KAT6A: variants seen among roughly 807,000 people sequenced by gnomAD.
KAT6A encodes the protein histone acetyltransferase KAT6A.
In KAT6A, 9 loss-of-function variants were observed where a neutral mutation model predicts 198.4. That is an observed-to-expected ratio of 0.05 (90% CI 0.03 to 0.08). KAT6A has a LOEUF of 0.08. KAT6A is among the 10% of genes least tolerant of loss of function. The pLI is 1.00. For synonymous variants in KAT6A, 890 were observed against 883.0 expected (o/e 1.01, Z -0.14); for missense variants, 2,077 against 2,509.9 (o/e 0.83, Z 3.69).
rs566407140 is a variant in KAT6A at position 41,964,556 on chromosome 8, G to A, written c.1483-9145C>T. ...CTAATGATACTCAAACGAAATGCTC[G>A]TAAGAACACTGCAGATTTTGAATTC... On this transcript the variant is annotated intron_variant, in intron 8 of 16. Transcript: ENST00000265713. 3.1e-4 allele frequency among the ~76,000 whole-genome samples: 46 copies of A among 148,574 alleles called. 1 individual carries two copies. In the South Asian group the frequency reaches 7.5e-3, roughly 24 times the overall value.
At chr8:41,955,003 G>A (rs985021907) in intron 9 of KAT6A, among the ~76,000 whole-genome samples, 10 of 150,968 alleles carry the variant, frequency 6.6e-5, no homozygotes, top group African/African-American at 2.4e-4. Flanking sequence ...TTAGTGATAG[G>A]AGTGAAGACA....
intron 12 of KAT6A, among the ~76,000 whole-genome samples, chr8:41,946,346 T>C (rs1822385449): frequency 6.6e-6 from 1 of 152,038 alleles, no homozygotes; most frequent in Non-Finnish European, 1.5e-5. Context: ...CAAGCAATCC[T>C]CCCACCCCAG....
chr8:41,991,301 T>TA (rs1824936046), intron 2 of KAT6A, among the ~76,000 whole-genome samples: 1 of 152,176 alleles, frequency 6.6e-6, no homozygotes, highest in Admixed American at 6.5e-5. Context: ...AGTAGAATGT[T>TA]AAACAGTAAT....
intron 2 of KAT6A, among the ~76,000 whole-genome samples, chr8:42,003,879 G>A (rs536847883): frequency 6.6e-6 from 1 of 152,306 alleles, no homozygotes; most frequent in South Asian, 2.1e-4. Flanking sequence ...GCAAAAAGGT[G>A]ACCATCTGCA....
intron 2 of KAT6A, among the ~76,000 whole-genome samples, chr8:42,016,103 A>C (rs1826259599): frequency 6.6e-6 from 1 of 152,228 alleles, no homozygotes; most frequent in Non-Finnish European, 1.5e-5. Context: ...GCAAGAGATG[A>C]GGGAAGGGAG....
intron 2 of KAT6A, among the ~76,000 whole-genome samples, chr8:41,997,174 T>C (rs529230698): frequency 1.3e-5 from 2 of 152,304 alleles, no homozygotes; most frequent in South Asian, 2.1e-4. Flanking sequence ...GTTAAAATGG[T>C]AAATTTTTAT....
Position 41,941,209 on chromosome 8 carries a change from G to A in KAT6A, c.2672C>T (p.Thr891Met), listed in dbSNP as rs575371774. The A allele has an allele frequency of 1.6e-4, 265 of 1,614,074 alleles. 2 individuals are homozygous for A. In the South Asian group the frequency reaches 2.0e-3, roughly 12 times the overall value. The change falls in exon 15 of 17, where the codon ACG becomes ATG. Residue 891 changes from threonine (T) to methionine (M), a missense_variant. Around this residue, in one of 13 missense-constraint regions of KAT6A, gnomAD observed 301 missense variants for 272.2 expected, o/e 1.11. Coordinates refer to ENST00000265713, the MANE Select transcript of KAT6A (RefSeq NM_006766.5). ...ATATTGTTCCTGAGGAGCTGAAGAC[G>A]TCTCTTCCAAGAGCAGTTTAGAATC... is the stretch of plus-strand genomic sequence containing the variant. ...DKDSKLLLEE[T>M]SSAPQEQYGE...
At chr8:41,960,526 A>AAT (rs35872862) in intron 8 of KAT6A, among the ~76,000 whole-genome samples, 1 of 150,972 alleles carries the variant, frequency 6.6e-6, no homozygotes, top group Non-Finnish European at 1.5e-5. Flanking sequence ...AAAAAAAAAA[A>AAT]GTCTGGTTAA....
chr8:42,007,307 T>C (rs1190200303), intron 2 of KAT6A, among the ~76,000 whole-genome samples: 6 of 152,186 alleles, frequency 3.9e-5, no homozygotes, highest in Non-Finnish European at 1.5e-5. Flanking sequence ...ATCCTAATTC[T>C]CCAAATATGG....
chr8:41,989,928 T>C (rs1307084061), intron 2 of KAT6A, among the ~76,000 whole-genome samples: 1 of 152,228 alleles, frequency 6.6e-6, no homozygotes, highest in East Asian at 1.9e-4. Context: ...GAACGGCTAG[T>C]TGTCTTAATA....
In KAT6A at chr8:41,931,554, G is replaced by A. The variant is rs1212488569; in HGVS notation, c.*651C>T. 1 of 205,498 alleles carries A rather than the reference G, an allele frequency of 4.9e-6. No individual in the cohort carries two copies. Among genetic ancestry groups the A allele is most frequent in the Admixed American group, 6.0e-5 (1 of 16,746 alleles). The allele number at this position is 205,498 out of a possible 1,614,324, so 12.7% of individuals were successfully genotyped here. On this transcript the variant is annotated 3_prime_UTR_variant, in exon 17 of 17. Transcript: ENST00000265713. ...TCTATAAAGAAACATTCTTGGGGAA[G>A]GGTTTCAAGAGGTGTGTGTGTGTGA...
chr8:41,933,799 C>G lies in KAT6A; in HGVS notation c.4421G>C (p.Cys1474Ser). ...AGGGCTATTATGTTCTGACGCATGA[C>G]AGTCTTCAACCATGGACATCTGAGG... The part of the protein sequence containing the change: ...EDPQMSMVED[C>S]HASEHNSPIS... The change falls in exon 17 of 17, where the codon TGT becomes TCT. Residue 1474 changes from cysteine to serine, a missense_variant. Cys to Ser is a moderately radical substitution (Grantham distance 112). Transcript: ENST00000265713. The surrounding 1 kb of genome is among the most constrained non-coding windows in gnomAD (Gnocchi z 6.2). 6.2e-7 allele frequency: 1 copy of G among 1,614,136 alleles called. No homozygotes were observed. The highest frequency in any genetic ancestry group is 8.5e-7 in the Non-Finnish European group (1 of 1,180,032).
At position 41,937,453 on chromosome 8, in the gene KAT6A, G is replaced by C; in HGVS notation, c.3155C>G (p.Ser1052Cys). 6.2e-7 allele frequency: 1 copy of C among 1,614,144 alleles called. No individual in the cohort carries two copies. Among genetic ancestry groups the C allele is most frequent in the Non-Finnish European group, 8.5e-7 (1 of 1,180,008 alleles). ...TCTTGGCATTGGCCTCTCGGAGTCAGAATCTTCAAAAGGTTCATCTAACAC... is the reference window on the plus strand; with the variant it reads ...TCTTGGCATTGGCCTCTCGGAGTCACAATCTTCAAAAGGTTCATCTAACAC... Reference protein sequence around the residue: ...TEVLDEPFEDSDSERPMPRLE... With the variant: ...TEVLDEPFEDCDSERPMPRLE... The change falls in exon 16 of 17, where the codon TCT becomes TGT. Residue 1052 changes from serine (S) to cysteine (C), a missense_variant. Coordinates refer to ENST00000265713, the MANE Select transcript of KAT6A (RefSeq NM_006766.5).
Position 42,050,368 on chromosome 8 carries a change from A to G in KAT6A, c.-325-1066T>C, listed in dbSNP as rs528719673. The stretch of plus-strand genomic sequence containing the variant: ...GAATCTAACTCTTTTGCCTCCAAAA[A>G]TAAGTTTAACTGAAGTGTTTTTTAG... On this transcript the variant is annotated intron_variant, in intron 1 of 16. Coordinates refer to ENST00000265713, the MANE Select transcript of KAT6A (RefSeq NM_006766.5). Among the ~76,000 whole-genome samples, 9 of 152,370 alleles carry G rather than the reference A, an allele frequency of 5.9e-5. No individual in the cohort carries two copies. The East Asian group carries it at 1.5e-3, about 26-fold the overall frequency.
intron 9 of KAT6A, among the ~76,000 whole-genome samples, 168 bp from the exon 10 acceptor site, chr8:41,949,531 ATAAAT>A (rs1452981806): frequency 6.6e-6 from 1 of 152,234 alleles, no homozygotes. Flanking sequence ...TATAATTCAA[ATAAAT>A]TACTGTATCT....
At chr8:41,991,546 T>C (rs1366026257) in intron 2 of KAT6A, among the ~76,000 whole-genome samples, 1 of 152,218 alleles carries the variant, frequency 6.6e-6, no homozygotes, top group Non-Finnish European at 1.5e-5. Flanking sequence ...GTTTCATGGA[T>C]GTTAATTATG....
chr8:42,039,835 G>A (rs545182155), intron 2 of KAT6A, among the ~76,000 whole-genome samples: 102 of 151,650 alleles, frequency 6.7e-4, no homozygotes, highest in African/African-American at 2.4e-3. Context: ...CCGGGTTCAC[G>A]CCATTCTCCT....
intron 2 of KAT6A, among the ~76,000 whole-genome samples, chr8:42,023,109 TG>T (rs1826630754): frequency 6.6e-6 from 1 of 152,174 alleles, no homozygotes; most frequent in South Asian, 2.1e-4. Context: ...TGTAACACAA[TG>T]GTAAGATTTT....
Position 41,929,918 on chromosome 8 carries a change from G to A in KAT6A, c.*2287C>T, listed in dbSNP as rs748921483. 4 of 215,336 alleles carry A rather than the reference G, an allele frequency of 1.9e-5. No individual in the cohort carries two copies. Among genetic ancestry groups the A allele is most frequent in the African/African-American group, 9.0e-5 (4 of 44,452 alleles). 13.3% of individuals were successfully genotyped at this position (215,336 alleles called of 1,614,324 possible). Reference sequence around the variant, plus strand: ...TTAAAAGGCATCAAAGTCACTAACAGTGAGTTTTTAAATTTCTTTTTTAGA... The same window carrying A: ...TTAAAAGGCATCAAAGTCACTAACAATGAGTTTTTAAATTTCTTTTTTAGA... On this transcript the variant is annotated 3_prime_UTR_variant, in exon 17 of 17. Coordinates refer to ENST00000265713, the MANE Select transcript of KAT6A (RefSeq NM_006766.5).
Sources: gnomAD v4.1 joint callset for allele counts (sites outside exome capture counted in the v4.1 genomes callset) on GRCh38, gnomAD v4.1.1 for gene constraint, gnomAD v4.1.1 regional missense constraint, Gnocchi (gnomAD v3.1) non-coding constraint, MANE v1.5 for transcripts, NCBI Gene and HGNC (gene_info 2026-07-23, HGNC 2026-07-21) for gene names.